Variants in PLEK observed in about 807,000 individuals in gnomAD.
PLEK encodes the protein pleckstrin, also known as platelet 47 kDa protein.
In PLEK, 25 loss-of-function variants were observed where a neutral mutation model predicts 43.9. The ratio of observed to expected loss-of-function variants is 0.57; its 90% CI spans 0.41 to 0.79. PLEK has a LOEUF of 0.79. Ranked by LOEUF, PLEK falls within the 30% of genes least tolerant of loss-of-function variation. The pLI, the probability that PLEK is intolerant of heterozygous loss-of-function variation, is 0.00. For missense variants in PLEK, 396 were observed against 413.3 expected (o/e 0.96, Z 0.36); for synonymous variants, 152 against 144.4 (o/e 1.05, Z -0.38).
chr2:68,365,488 T>C, intron 1 of PLEK, 95 bp downstream of exon 1: 1 of 1,009,884 alleles, frequency 9.9e-7, no homozygotes, highest in Admixed American at 1.7e-5. Context: ...TTAGGAATGT[T>C]TCCTGTTCAA....
chr2:68,374,289 A>G (rs997482892), intron 1 of PLEK, among the ~76,000 whole-genome samples: 7 of 152,232 alleles, frequency 4.6e-5, no homozygotes, highest in Non-Finnish European at 7.3e-5. Context: ...TACACCTTTT[A>G]CATTCAAATG....
At chr2:68,365,433 G>A (rs1430823453) in intron 1 of PLEK, 40 bp downstream of exon 1, 1 of 1,540,890 alleles carries the variant, frequency 6.5e-7, no homozygotes, top group Non-Finnish European at 9.0e-7. Context: ...CAGTGGACAT[G>A]GGCTGGGGAG....
At chr2:68,379,098 C>T (rs1289536985) in intron 1 of PLEK, among the ~76,000 whole-genome samples, 2 of 152,090 alleles carry the variant, frequency 1.3e-5, no homozygotes, top group Non-Finnish European at 2.9e-5. Context: ...CATGCAATTG[C>T]ACTCCAGCCT....
chr2:68,366,471 A>G (rs1673276688), intron 1 of PLEK, among the ~76,000 whole-genome samples: 1 of 152,220 alleles, frequency 6.6e-6, no homozygotes, highest in Non-Finnish European at 1.5e-5. Flanking sequence ...CCCAAGTCAC[A>G]TGGCTATGAC....
At chr2:68,370,457 CTTGT>C (rs1458691287) in intron 1 of PLEK, among the ~76,000 whole-genome samples, 1 of 152,008 alleles carries the variant, frequency 6.6e-6, no homozygotes, top group Non-Finnish European at 1.5e-5. Flanking sequence ...GAGATAGGGT[CTTGT>C]TTATTTTTGT....
At chr2:68,380,222 C>T in intron 1 of PLEK, 106 bp from the exon 2 acceptor site, 1 of 906,040 alleles carries the variant, frequency 1.1e-6, no homozygotes, top group South Asian at 1.8e-5. Flanking sequence ...TGTCACCAAA[C>T]ATTTTAAAAA....
chr2:68,396,142 T>C lies in PLEK; in HGVS notation c.*326T>C, dbSNP rs6728995. On this transcript the variant is annotated 3_prime_UTR_variant, in exon 9 of 9. Transcript: ENST00000234313. ...AACTAGTAGATTCCTGAGGTCCCCC[T>C]AGCTTAAAAAAAAAAAAAATCTGCC... The C allele has an allele frequency of 0.46, 92,320 of 199,658 alleles. 21,030 individuals carry two copies. Among genetic ancestry groups the C allele is most frequent in the African/African-American group, 0.57 (22,049 of 38,910 alleles). The allele number at this position is 199,658 out of a possible 1,614,324, so 12.4% of individuals were successfully genotyped here. A position where few individuals can be genotyped will look rare whatever the true frequency, so the allele number is the denominator to read the frequency against.
intron 6 of PLEK, among the ~76,000 whole-genome samples, chr2:68,388,886 A>G (rs1673804060): frequency 6.6e-6 from 1 of 152,182 alleles, no homozygotes; most frequent in South Asian, 2.1e-4. Context: ...GGAACAGGCT[A>G]CACCCAGAAG....
chr2:68,365,968 T>G (rs184250504), intron 1 of PLEK, among the ~76,000 whole-genome samples: 1 of 152,314 alleles, frequency 6.6e-6, no homozygotes, highest in East Asian at 1.9e-4. Context: ...TAATGTGGCA[T>G]CGAGGTGGTA....
chr2:68,383,475 C>A (rs1255041312), intron 4 of PLEK, among the ~76,000 whole-genome samples: 1 of 150,806 alleles, frequency 6.6e-6, no homozygotes, highest in Admixed American at 6.6e-5. Context: ...GGAGCCAGGG[C>A]AGAGGATGAG....
chr2:68,395,981 C>G lies in PLEK; in HGVS notation c.*165C>G, dbSNP rs1203217730. ...ACTCACCATGTGGTGTGCAAGGTTC[C>G]CCTGCATTGTATTGCTCACTGCAGC... is the stretch of plus-strand genomic sequence containing the variant. On this transcript the variant is annotated 3_prime_UTR_variant, in exon 9 of 9. Transcript: ENST00000234313. The G allele has an allele frequency of 3.1e-6, 2 of 641,404 alleles. No homozygotes were observed. Among genetic ancestry groups the G allele is most frequent in the African/African-American group, 3.7e-5 (2 of 54,556 alleles). 39.7% of individuals were successfully genotyped at this position (641,404 alleles called of 1,614,324 possible).
chr2:68,395,318 G>A (rs1458263284), intron 8 of PLEK, among the ~76,000 whole-genome samples: 1 of 151,760 alleles, frequency 6.6e-6, no homozygotes, highest in Non-Finnish European at 1.5e-5. Flanking sequence ...ATTATGAGCA[G>A]AGGGAAGGTA....
Position 68,380,866 on chromosome 2 carries a change from C to T in PLEK, c.342C>T (p.Thr114=), listed in dbSNP as rs766296669. Residue 114 remains threonine (T), a synonymous_variant, in exon 3 of 9, where the codon ACC becomes ACT. Transcript: ENST00000234313. ...GCCAGAAATTTGCCAGGAAATCTACCAGGAGGTCCATTCGACTGCCAGAAA... is the reference window on the plus strand; with the variant it reads ...GCCAGAAATTTGCCAGGAAATCTACTAGGAGGTCCATTCGACTGCCAGAAA... The part of the protein sequence containing the change: ...EGGQKFARKS[T]RRSIRLPETI... 2 of 1,613,750 alleles carry T rather than the reference C, an allele frequency of 1.2e-6. No individual in the cohort carries two copies. The highest frequency in any genetic ancestry group is 1.3e-5 in the African/African-American group (1 of 74,888).
chr2:68,368,939 G>C (rs1558495153), intron 1 of PLEK, among the ~76,000 whole-genome samples: 2 of 152,196 alleles, frequency 1.3e-5, no homozygotes, highest in African/African-American at 2.4e-5. Context: ...GGAAGGGCAA[G>C]CAGCAGGGAC....
At chr2:68,395,180 C>CATAT (rs892222304) in intron 8 of PLEK, among the ~76,000 whole-genome samples, 1 of 149,710 alleles carries the variant, frequency 6.7e-6, no homozygotes, top group African/African-American at 2.4e-5. Flanking sequence ...TGTATATAAA[C>CATAT]ATATATATAT....
intron 4 of PLEK, among the ~76,000 whole-genome samples, chr2:68,384,460 G>A (rs1573077403): frequency 6.6e-6 from 1 of 152,064 alleles, no homozygotes; most frequent in African/African-American, 2.4e-5. Context: ...TCCAACCTCA[G>A]GTGATCTGCC....
intron 6 of PLEK, among the ~76,000 whole-genome samples, chr2:68,388,882 G>A (rs747860352): frequency 1.4e-4 from 21 of 152,178 alleles, no homozygotes; most frequent in Non-Finnish European, 2.4e-4. Context: ...AACAGGAACA[G>A]GCTACACCCA....
chr2:68,366,982 C>T (rs1673287273), intron 1 of PLEK, among the ~76,000 whole-genome samples: 1 of 152,096 alleles, frequency 6.6e-6, no homozygotes, highest in Non-Finnish European at 1.5e-5. Context: ...ATAAGTGAAG[C>T]TGTCTCACTA....
In PLEK at chr2:68,396,581, A is replaced by G. The variant is rs1321575231; in HGVS notation, c.*765A>G. On this transcript the variant is annotated 3_prime_UTR_variant, in exon 9 of 9. Transcript: ENST00000234313. ...CCCTTAAACCGCCCAGAGGAGCCCT[A>G]TTCCACTCTGGTTTTAGGCTGATCT... The G allele has an allele frequency of 2.0e-5, 3 of 152,072 alleles. No individual in the cohort carries two copies. The South Asian group carries it at 6.2e-4, about 31-fold the overall frequency. 9.4% of individuals were successfully genotyped at this position (152,072 alleles called of 1,614,324 possible). A position where few individuals can be genotyped will look rare whatever the true frequency, so the allele number is the denominator to read the frequency against.
Sources: gnomAD v4.1 joint callset for allele counts (sites outside exome capture counted in the v4.1 genomes callset) on GRCh38, gnomAD v4.1.1 for gene constraint, MANE v1.5 for transcripts, NCBI Gene and HGNC (gene_info 2026-07-23, HGNC 2026-07-21) for gene names.